Variants in TRHR observed in about 807,000 individuals in gnomAD.
TRHR encodes the protein thyrotropin releasing hormone receptor, also known as thyrotropin-releasing hormone receptor.
A neutral mutation model predicts 28.0 loss-of-function variants in TRHR; 14 were observed. The ratio of observed to expected loss-of-function variants is 0.50; its 90% CI spans 0.33 to 0.78. The LOEUF (loss-of-function observed/expected upper bound fraction) is 0.78. Among genes scored for constraint, TRHR ranks in the 30% least tolerant of loss-of-function variants. TRHR has a pLI of 0.02. For missense variants in TRHR, 438 were observed against 469.5 expected (o/e 0.93, Z 0.62); for synonymous variants, 176 against 171.9 (o/e 1.02, Z -0.18).
chr8:109,098,777 C>A (rs573970375), intron 2 of TRHR, among the ~76,000 whole-genome samples: 39 of 152,184 alleles, frequency 2.6e-4, no homozygotes, highest in Non-Finnish European at 4.9e-4. Flanking sequence ...TTCTTTCTAT[C>A]CTCCCTGTGG....
intron 2 of TRHR, 141 bp from the exon 3 acceptor site, chr8:109,118,907 C>T: frequency 9.6e-7 from 1 of 1,040,002 alleles, no homozygotes; most frequent in South Asian, 1.4e-5. Context: ...TTCCTGGGAT[C>T]ACCTCCCCAA....
chr8:109,102,325 T>C (rs1310729481), intron 2 of TRHR, among the ~76,000 whole-genome samples: 2 of 152,072 alleles, frequency 1.3e-5, no homozygotes, highest in East Asian at 1.9e-4. Flanking sequence ...TATTTGTAGA[T>C]GCACAAGCAA....
intron 2 of TRHR, among the ~76,000 whole-genome samples, chr8:109,102,783 G>A (rs1426957643): frequency 6.6e-6 from 1 of 151,452 alleles, no homozygotes; most frequent in African/African-American, 2.4e-5. Flanking sequence ...AAATGAACTG[G>A]TGTGGTAGTA....
chr8:109,090,699 A>T (rs747435936), intron 2 of TRHR, among the ~76,000 whole-genome samples: 1 of 152,202 alleles, frequency 6.6e-6, no homozygotes, highest in Non-Finnish European at 1.5e-5. Flanking sequence ...GGCATTTGAG[A>T]TGGCTCTGGA....
At chr8:109,118,336 T>G (rs1392290139) in intron 2 of TRHR, among the ~76,000 whole-genome samples, 1 of 151,956 alleles carries the variant, frequency 6.6e-6, no homozygotes, top group Non-Finnish European at 1.5e-5. Context: ...AAACACTGAC[T>G]TTTTTGCATT....
chr8:109,116,214 T>C lies in TRHR; in HGVS notation c.790-2834T>C, dbSNP rs544350220. Among the ~76,000 whole-genome samples the C allele has an allele frequency of 2.0e-5, 3 of 152,316 alleles. No individual in the cohort carries two copies. In the South Asian group the frequency reaches 6.2e-4, roughly 32 times the overall value. On this transcript the variant is annotated intron_variant, in intron 2 of 2. Transcript: ENST00000518632. Reference sequence around the variant, plus strand: ...CTGGATTCGGTTTGCCAGTATTTTATTGAGGACTTTTGCATCGATGTTCAT... The same window carrying C: ...CTGGATTCGGTTTGCCAGTATTTTACTGAGGACTTTTGCATCGATGTTCAT...
chr8:109,107,173 T>C (rs1811763351), intron 2 of TRHR, among the ~76,000 whole-genome samples: 1 of 152,204 alleles, frequency 6.6e-6, no homozygotes, highest in South Asian at 2.1e-4. Context: ...GTTTAAAATA[T>C]AAAGTGTTCA....
chr8:109,108,702 A>C (rs1811786708), intron 2 of TRHR, among the ~76,000 whole-genome samples: 1 of 152,208 alleles, frequency 6.6e-6, no homozygotes, highest in Non-Finnish European at 1.5e-5. Context: ...ATGGCAGATC[A>C]ACGGTAGCAT....
intron 2 of TRHR, among the ~76,000 whole-genome samples, chr8:109,108,045 C>T (rs890233854): frequency 5.3e-5 from 8 of 152,246 alleles, no homozygotes; most frequent in African/African-American, 1.9e-4. Context: ...TTTAGGACAG[C>T]TAGAAAATTA....
intron 2 of TRHR, among the ~76,000 whole-genome samples, chr8:109,109,010 AC>A (rs750096446): frequency 1.6e-4 from 25 of 152,212 alleles, no homozygotes; most frequent in Non-Finnish European, 3.4e-4. Context: ...TACCTAGCAC[AC>A]AGCTGTTTTC....
chr8:109,089,264 G>T, intron 2 of TRHR, among the ~76,000 whole-genome samples: 1 of 150,678 alleles, frequency 6.6e-6, no homozygotes, highest in Middle Eastern at 3.2e-3. Context: ...GCTGAAAAAA[G>T]AAATCTAAAC....
intron 2 of TRHR, among the ~76,000 whole-genome samples, chr8:109,093,625 C>A (rs893975766): frequency 6.6e-6 from 1 of 151,656 alleles, no homozygotes; most frequent in Non-Finnish European, 1.5e-5. Context: ...AGGATAGTCT[C>A]GATCTCCTGA....
chr8:109,093,024 A>G (rs1563621508), intron 2 of TRHR, among the ~76,000 whole-genome samples: 1 of 152,100 alleles, frequency 6.6e-6, no homozygotes, highest in Non-Finnish European at 1.5e-5. Context: ...TTTGGAAATA[A>G]TATTCTCAAA....
chr8:109,112,564 T>C (rs1377495933), intron 2 of TRHR, among the ~76,000 whole-genome samples: 1 of 152,204 alleles, frequency 6.6e-6, no homozygotes, highest in Non-Finnish European at 1.5e-5. Flanking sequence ...CTGTCTCCCT[T>C]GTTACGAAAT....
intron 2 of TRHR, among the ~76,000 whole-genome samples, chr8:109,111,788 G>A (rs1198798368): frequency 1.3e-5 from 2 of 152,086 alleles, no homozygotes; most frequent in Admixed American, 1.3e-4. Context: ...GTTTTTTGTT[G>A]ATTTACTTTG....
intron 2 of TRHR, among the ~76,000 whole-genome samples, chr8:109,116,261 C>A (rs374269255): frequency 2.6e-5 from 4 of 151,956 alleles, no homozygotes; most frequent in Non-Finnish European, 2.9e-5. Context: ...GTCTAAAATT[C>A]TCTTTTTTTG....
intron 2 of TRHR, among the ~76,000 whole-genome samples, chr8:109,096,974 C>G (rs894690953): frequency 6.6e-6 from 1 of 152,016 alleles, no homozygotes; most frequent in Non-Finnish European, 1.5e-5. Context: ...TTTATTAAAT[C>G]TTTTTTGAAT....
In TRHR at chr8:109,119,193, A is replaced by G; in HGVS notation, c.935A>G (p.Asn312Ser). ...LLFCRICIYL[N>S]SAINPVIYNL... ...TTTTGCAGAATTTGCATTTATCTCAACAGTGCCATCAACCCGGTGATTTAC... is the reference window on the plus strand; with the variant it reads ...TTTTGCAGAATTTGCATTTATCTCAGCAGTGCCATCAACCCGGTGATTTAC... Residue 312 changes from asparagine to serine, a missense_variant, in exon 3 of 3, where the codon AAC (asparagine) becomes AGC (serine). Physicochemically the swap from Asn to Ser is conservative, Grantham distance 46 (BLOSUM62 1). Coordinates refer to ENST00000518632, the MANE Select transcript of TRHR (RefSeq NM_003301.7). 6.2e-7 allele frequency: 1 copy of G among 1,612,850 alleles called. No individual in the cohort carries two copies. The highest frequency in any genetic ancestry group is 8.5e-7 in the Non-Finnish European group (1 of 1,179,252).
In TRHR at chr8:109,119,086, C is replaced by T. The variant is rs764008622; in HGVS notation, c.828C>T (p.Ala276=). ...KMLAVVVILF[A]LLWMPYRTLV... is the part of the protein sequence containing the mutation. ...TGGCAGTGGTTGTAATTCTGTTTGC[C>T]CTTTTATGGATGCCCTACAGGACTC... Residue 276 remains alanine, a synonymous_variant, in exon 3 of 3, where the codon GCC becomes GCT. Transcript: ENST00000518632. The T allele has an allele frequency of 1.6e-5, 26 of 1,612,556 alleles. No individual in the cohort carries two copies. Among genetic ancestry groups the T allele is most frequent in the Non-Finnish European group, 2.0e-5 (24 of 1,179,182 alleles).
Sources: gnomAD v4.1 joint callset for allele counts (sites outside exome capture counted in the v4.1 genomes callset) on GRCh38, gnomAD v4.1.1 for gene constraint, MANE v1.5 for transcripts, NCBI Gene and HGNC (gene_info 2026-07-23, HGNC 2026-07-21) for gene names.